PPHLN1: variants seen among roughly 807,000 people sequenced by gnomAD.
PPHLN1 encodes the protein periphilin 1, also known as periphilin-1.
PPHLN1 carries 29 observed loss-of-function variants against 51.3 expected under a neutral mutation model. The ratio of observed to expected loss-of-function variants is 0.57; its 90% CI spans 0.42 to 0.77. The LOEUF (loss-of-function observed/expected upper bound fraction) is 0.77. PPHLN1 is among the 30% of genes least tolerant of loss of function. PPHLN1 has a pLI of 0.00. For synonymous variants in PPHLN1, 147 were observed against 147.8 expected (o/e 0.99, Z 0.04); for missense variants, 436 against 438.4 (o/e 0.99, Z 0.05).
At chr12:42,365,122 G>A (rs1225511808) in intron 4 of PPHLN1, among the ~76,000 whole-genome samples, 1 of 152,162 alleles carries the variant, frequency 6.6e-6, no homozygotes, top group Non-Finnish European at 1.5e-5. Flanking sequence ...TAGAAGAAGA[G>A]GTGATATGGA....
chr12:42,344,976 G>T (rs1338178480), intron 2 of PPHLN1, among the ~76,000 whole-genome samples: 1 of 152,078 alleles, frequency 6.6e-6, no homozygotes, highest in Admixed American at 6.5e-5. Flanking sequence ...CTCCCAAAGT[G>T]TTGGGATTAC....
chr12:42,421,540 G>T (rs545999499), intron 9 of PPHLN1, among the ~76,000 whole-genome samples: 2 of 152,064 alleles, frequency 1.3e-5, no homozygotes, highest in African/African-American at 4.8e-5. Context: ...TAGCGATGGG[G>T]TTTCACCGTG....
intron 1 of PPHLN1, among the ~76,000 whole-genome samples, chr12:42,330,866 C>T (rs1302203787): frequency 6.6e-6 from 1 of 152,128 alleles, no homozygotes; most frequent in Admixed American, 6.5e-5. Context: ...CGTGCCACCA[C>T]ACCTGGCTAA....
At chr12:42,412,840 CGTT>C (rs143101293) in intron 9 of PPHLN1, among the ~76,000 whole-genome samples, 3,229 of 152,010 alleles carry the variant, frequency 0.021, 102 homozygotes, top group African/African-American at 0.074. Flanking sequence ...TGTGGTATCT[CGTT>C]GTTTTAATTT....
chr12:42,383,182 T>C (rs2076902800), intron 5 of PPHLN1, among the ~76,000 whole-genome samples: 1 of 152,166 alleles, frequency 6.6e-6, no homozygotes, highest in Admixed American at 6.5e-5. Flanking sequence ...ATCAAACACA[T>C]CCACAGCAGT....
At chr12:42,439,608 A>G (rs2082771721) in intron 9 of PPHLN1, among the ~76,000 whole-genome samples, 1 of 152,174 alleles carries the variant, frequency 6.6e-6, no homozygotes, top group Non-Finnish European at 1.5e-5. Flanking sequence ...TCTGCCTCCC[A>G]GGTTCAGCTA....
chr12:42,341,139 G>A (rs1007916988), intron 2 of PPHLN1, among the ~76,000 whole-genome samples: 3 of 151,838 alleles, frequency 2.0e-5, no homozygotes, highest in African/African-American at 4.8e-5. Context: ...CTACCACCAC[G>A]CTTGGCTATT....
At chr12:42,441,148 T>G (rs2082916291) in intron 9 of PPHLN1, among the ~76,000 whole-genome samples, 167 bp from the exon 10 acceptor site, 1 of 152,210 alleles carries the variant, frequency 6.6e-6, no homozygotes, top group South Asian at 2.1e-4. Context: ...GGATAGAGGT[T>G]TAAATGGCCT....
chr12:42,401,434 C>T (rs1348224799), intron 9 of PPHLN1, among the ~76,000 whole-genome samples: 1 of 150,510 alleles, frequency 6.6e-6, no homozygotes, highest in Non-Finnish European at 1.5e-5. Context: ...GGGTCCCCAA[C>T]CCCTGGGCTT....
At chr12:42,423,521 AAGTAT>A (rs1477270355) in intron 9 of PPHLN1, among the ~76,000 whole-genome samples, 1 of 152,094 alleles carries the variant, frequency 6.6e-6, no homozygotes, top group African/African-American at 2.4e-5. Flanking sequence ...TCTCTGGGAG[AAGTAT>A]GATTAAGTAG....
chr12:42,446,370 C>G (rs980097178), downstream of PPHLN1: 1 of 1,494,948 alleles, frequency 6.7e-7, no homozygotes, highest in African/African-American at 1.4e-5. Context: ...CTAAATCTGC[C>G]TTTTTTCAGC....
At chr12:42,433,321 G>T in intron 9 of PPHLN1, 1 of 582,648 alleles carries the variant, frequency 1.7e-6, no homozygotes, top group Non-Finnish European at 3.2e-6. Context: ...TGGCATTCTG[G>T]TTGCCAATTA....
downstream of PPHLN1, chr12:42,446,030 A>G (rs1478376130): frequency 1.9e-6 from 3 of 1,549,862 alleles, no homozygotes; most frequent in East Asian, 7.3e-5. Flanking sequence ...GCTAGGACCC[A>G]ACCAAGTACC....
chr12:42,393,637 A>G lies in PPHLN1; in HGVS notation c.716A>G (p.Glu239Gly). ...LAEAASKWAA[E>G]KLEKSDESNL... Reference sequence around the variant, plus strand: ...GAGGCTGCAAGCAAGTGGGCTGCTGAAAAGCTAGAGAAATCAGATGAAAGT... The same window carrying G: ...GAGGCTGCAAGCAAGTGGGCTGCTGGAAAGCTAGAGAAATCAGATGAAAGT... Residue 239 changes from glutamate (E) to glycine (G), a missense_variant, in exon 8 of 10, where the codon GAA becomes GGA. Glu to Gly is a moderately conservative substitution (Grantham distance 98). Transcript: ENST00000358314. The G allele has an allele frequency of 6.2e-7, 1 of 1,611,764 alleles. No individual in the cohort carries two copies. The highest frequency in any genetic ancestry group is 1.1e-5 in the South Asian group (1 of 90,720).
At chr12:42,407,870 A>G (rs1274951223) in intron 9 of PPHLN1, among the ~76,000 whole-genome samples, 1 of 152,156 alleles carries the variant, frequency 6.6e-6, no homozygotes. Flanking sequence ...GTACAGATGC[A>G]CCCATACCCA....
At chr12:42,422,756 C>T (rs1028209353) in intron 9 of PPHLN1, among the ~76,000 whole-genome samples, 6 of 152,086 alleles carry the variant, frequency 3.9e-5, no homozygotes, top group Non-Finnish European at 8.8e-5. Flanking sequence ...ACCATTTTTG[C>T]CCTTGTAATT....
chr12:42,396,148 A>G (rs919052397), intron 8 of PPHLN1, among the ~76,000 whole-genome samples: 4 of 152,174 alleles, frequency 2.6e-5, no homozygotes, highest in African/African-American at 9.7e-5. Context: ...GTTGGTTTTG[A>G]TATTTCAGCA....
intron 9 of PPHLN1, among the ~76,000 whole-genome samples, chr12:42,410,178 ATGT>A (rs767082282): frequency 1.5e-5 from 2 of 136,750 alleles, no homozygotes. Flanking sequence ...TTTTCATTCC[ATGT>A]TTTTTTTTTT....
downstream of PPHLN1, chr12:42,446,267 G>A (rs1460054062): frequency 2.5e-6 from 4 of 1,602,314 alleles, no homozygotes; most frequent in East Asian, 4.5e-5. Context: ...TATGCTCTCT[G>A]TTGTACATTG....
Sources: gnomAD v4.1 joint callset for allele counts (sites outside exome capture counted in the v4.1 genomes callset) on GRCh38, gnomAD v4.1.1 for gene constraint, MANE v1.5 for transcripts, NCBI Gene and HGNC (gene_info 2026-07-23, HGNC 2026-07-21) for gene names.